SRPK2: variants seen among roughly 807,000 people sequenced by gnomAD.
SRPK2 encodes SRSF protein kinase 2, also known as SFRS protein kinase 2.
In SRPK2, 21 loss-of-function variants were observed where a neutral mutation model predicts 90.8. That is an observed-to-expected ratio of 0.23 (90% confidence interval 0.16 to 0.33). The LOEUF is 0.33. Ranked by LOEUF, SRPK2 falls within the 10% of genes least tolerant of loss-of-function variation. The pLI is 1.00. For missense variants in SRPK2, 620 were observed against 869.0 expected (o/e 0.71, Z 3.60); for synonymous variants, 288 against 311.1 (o/e 0.93, Z 0.78).
chr7:105,168,731 C>CAT (rs1790404160), intron 4 of SRPK2, among the ~76,000 whole-genome samples: 3 of 82,556 alleles, frequency 3.6e-5, no homozygotes, highest in Admixed American at 1.2e-4. Context: ...CACACACACA[C>CAT]ACACACGCAC....
At chr7:105,386,695 C>A (rs1223441895) in intron 2 of SRPK2, among the ~76,000 whole-genome samples, 5 of 152,134 alleles carry the variant, frequency 3.3e-5, no homozygotes, top group African/African-American at 1.2e-4. Context: ...CCAGCCTGAG[C>A]GACAAGAGCG....
At chr7:105,382,076 G>C (rs561567527) in intron 2 of SRPK2, among the ~76,000 whole-genome samples, 1 of 152,236 alleles carries the variant, frequency 6.6e-6, no homozygotes, top group South Asian at 2.1e-4. Flanking sequence ...GCTGAGCCAG[G>C]AGAATCGCTT....
chr7:105,281,537 T>A (rs1807332890), intron 2 of SRPK2, among the ~76,000 whole-genome samples: 1 of 152,180 alleles, frequency 6.6e-6, no homozygotes, highest in Non-Finnish European at 1.5e-5. Flanking sequence ...CCTGCAGTCC[T>A]AGCTACGTGG....
intron 2 of SRPK2, among the ~76,000 whole-genome samples, chr7:105,358,304 A>G (rs537049264): frequency 6.6e-6 from 1 of 152,068 alleles, no homozygotes. Flanking sequence ...TAACATAAAC[A>G]GTAGATAACA....
intron 2 of SRPK2, among the ~76,000 whole-genome samples, chr7:105,372,126 C>A: frequency 8.2e-6 from 1 of 121,244 alleles, no homozygotes; most frequent in African/African-American, 3.2e-5. Flanking sequence ...CAGAGCAAGA[C>A]TCCAACTCAT....
chr7:105,187,745 A>G (rs1471827356), intron 3 of SRPK2, among the ~76,000 whole-genome samples: 2 of 152,214 alleles, frequency 1.3e-5, no homozygotes, highest in Non-Finnish European at 2.9e-5. Flanking sequence ...GTTCAGGTTT[A>G]AAGTCTCATG....
intron 3 of SRPK2, among the ~76,000 whole-genome samples, chr7:105,170,917 A>G (rs1461293755): frequency 9.8e-6 from 1 of 101,654 alleles, no homozygotes; most frequent in Non-Finnish European, 2.0e-5. Flanking sequence ...GAAAGAAAGG[A>G]GAAAGAAAAA....
At chr7:105,188,452 T>C (rs536309854) in intron 3 of SRPK2, among the ~76,000 whole-genome samples, 2 of 152,318 alleles carry the variant, frequency 1.3e-5, no homozygotes, top group Admixed American at 6.5e-5. Flanking sequence ...AACCACACAA[T>C]TGTACCCTTT....
intron 2 of SRPK2, among the ~76,000 whole-genome samples, chr7:105,316,272 G>A (rs1346048940): frequency 6.6e-6 from 1 of 152,048 alleles, no homozygotes; most frequent in Non-Finnish European, 1.5e-5. Flanking sequence ...CCATCTTGAG[G>A]TAATCTTAAA....
At chr7:105,301,615 C>A in intron 2 of SRPK2, 1 of 1,608,438 alleles carries the variant, frequency 6.2e-7, no homozygotes, top group Non-Finnish European at 8.5e-7. Context: ...AGTTTCTTTT[C>A]AATATAGGAT....
chr7:105,190,713 GGCTCCAAGGACAA>G (rs1429549336), intron 3 of SRPK2, among the ~76,000 whole-genome samples: 9 of 152,206 alleles, frequency 5.9e-5, no homozygotes, highest in Admixed American at 5.9e-4. Context: ...GCCCTTGGAA[GGCTCCAAGGACAA>G]AGGCTAGATA....
intron 2 of SRPK2, among the ~76,000 whole-genome samples, chr7:105,225,552 T>C (rs1047516088): frequency 6.6e-6 from 1 of 152,192 alleles, no homozygotes; most frequent in Admixed American, 6.5e-5. Flanking sequence ...ATGACACATA[T>C]CCTATATTTT....
intron 2 of SRPK2, among the ~76,000 whole-genome samples, chr7:105,330,163 C>T (rs1385028888): frequency 2.6e-5 from 4 of 151,964 alleles, no homozygotes; most frequent in African/African-American, 7.2e-5. Context: ...CACGGTGAAA[C>T]CCCATCTCTA....
At chr7:105,325,113 A>C (rs907840108) in intron 2 of SRPK2, among the ~76,000 whole-genome samples, 1 of 152,194 alleles carries the variant, frequency 6.6e-6, no homozygotes, top group African/African-American at 2.4e-5. Context: ...AAACATACTA[A>C]CTTAATAATC....
intron 3 of SRPK2, among the ~76,000 whole-genome samples, chr7:105,173,459 G>A (rs1188808906): frequency 6.6e-6 from 1 of 151,948 alleles, no homozygotes; most frequent in Non-Finnish European, 1.5e-5. Flanking sequence ...TTGCTCACAG[G>A]GCATCTCCTC....
chr7:105,304,950 C>G lies in SRPK2; in HGVS notation c.71+83698G>C, dbSNP rs143116770. 4.3e-3 allele frequency among the ~76,000 whole-genome samples: 652 copies of G among 152,264 alleles called. 2 individuals carry two copies. The highest frequency in any genetic ancestry group is 6.8e-3 in the Middle Eastern group (2 of 292). On this transcript the variant is annotated intron_variant, in intron 2 of 15. Coordinates refer to ENST00000393651, the MANE Select transcript of SRPK2 (RefSeq NM_182692.3). ...GTCAAAAAGCATACAGCTTTAAAAC[C>G]AAACTATTACACAGCTAAATATCCT...
chr7:105,227,380 TTA>T (rs2129618369), intron 2 of SRPK2, among the ~76,000 whole-genome samples: 1 of 152,298 alleles, frequency 6.6e-6, no homozygotes, highest in East Asian at 1.9e-4. Context: ...TGCATCATTC[TTA>T]TGTCTTTGTG....
intron 3 of SRPK2, among the ~76,000 whole-genome samples, chr7:105,194,697 A>G (rs986304254): frequency 6.6e-6 from 1 of 152,232 alleles, no homozygotes; most frequent in Admixed American, 6.5e-5. Context: ...CTGACTCTGA[A>G]TTTATACAAA....
rs1219961401 is a variant in SRPK2 at position 105,260,389 on chromosome 7, G to T, written c.72-56604C>A. ...ATTAAAAAGTCAGGTAACAACAGGT[G>T]CTGGAGAGGATGTGGAGAAATAGGA... On this transcript the variant is annotated intron_variant, in intron 2 of 15. Coordinates refer to ENST00000393651, the MANE Select transcript of SRPK2 (RefSeq NM_182692.3). Among the ~76,000 whole-genome samples the T allele has an allele frequency of 5.9e-5, 9 of 152,348 alleles. No individual in the cohort carries two copies. The East Asian group carries it at 1.7e-3, about 29-fold the overall frequency.
Sources: gnomAD v4.1 joint callset for allele counts (sites outside exome capture counted in the v4.1 genomes callset) on GRCh38, gnomAD v4.1.1 for gene constraint, MANE v1.5 for transcripts, NCBI Gene and HGNC (gene_info 2026-07-23, HGNC 2026-07-21) for gene names.